Variants in LRTM1 observed in about 807,000 individuals in gnomAD.
The protein encoded by LRTM1 is leucine rich repeat transmembrane protein 1.
In LRTM1, 38 loss-of-function variants were observed where a neutral mutation model predicts 32.4. The observed-to-expected ratio is 1.17, with a 90% CI of 0.91 to 1.54. The LOEUF (loss-of-function observed/expected upper bound fraction) is 1.54, where lower values mean the gene tolerates loss of function less well. LRTM1 is among the 40% of genes most tolerant of loss of function. LRTM1 has a pLI of 0.00. For synonymous variants in LRTM1, 186 were observed against 169.9 expected, an observed-to-expected ratio of 1.09 and a Z score of -0.74; for missense variants, 466 against 415.4, an observed-to-expected ratio of 1.12 and a Z score of -1.06.
Position 54,918,396 on chromosome 3 carries a change from T to A in LRTM1, c.*63A>T. The A allele has an allele frequency of 3.4e-6, 3 of 890,698 alleles. No homozygotes were observed. Among genetic ancestry groups the A allele is most frequent in the Admixed American group, 2.4e-5 (1 of 42,504 alleles). The allele number at this position is 890,698 out of a possible 1,614,324, so 55.2% of individuals were successfully genotyped here. A position where few individuals can be genotyped will look rare whatever the true frequency, so the allele number is the denominator to read the frequency against. On this transcript the variant is annotated 3_prime_UTR_variant, in exon 3 of 3. Transcript: ENST00000273286. ...CAAAATCAGACTAACAGGAAACACA[T>A]CAGCCCTACTCAGACACTATCTTCT...
intron 1 of LRTM1, among the ~76,000 whole-genome samples, chr3:54,947,630 A>G (rs1328161859): frequency 6.6e-6 from 1 of 152,036 alleles, no homozygotes; most frequent in Non-Finnish European, 1.5e-5. Flanking sequence ...GATAGTGGAG[A>G]CTTAGTAGCA....
rs757969374 is a variant in LRTM1 at position 54,925,101 on chromosome 3, A to C, written c.122T>G (p.Leu41Arg). Residue 41 changes from leucine to arginine, a missense_variant, in exon 2 of 3, where the codon CTG becomes CGG. Coordinates refer to ENST00000273286, the MANE Select transcript of LRTM1 (RefSeq NM_020678.4). The stretch of plus-strand genomic sequence containing the variant: ...AGGTAAATGGGAAGGGATTTCGGCC[A>C]GACCCTGCTGGCTGCAGTCTACAAA... Reference protein sequence around the residue: ...TNFVDCSQQGLAEIPSHLPPQ... With the variant: ...TNFVDCSQQGRAEIPSHLPPQ... The C allele has an allele frequency of 1.2e-6, 2 of 1,614,138 alleles. No individual in the cohort carries two copies. The highest frequency in any genetic ancestry group is 2.2e-5 in the South Asian group (2 of 91,076).
At chr3:54,945,190 C>G (rs928740035) in intron 1 of LRTM1, among the ~76,000 whole-genome samples, 1 of 152,212 alleles carries the variant, frequency 6.6e-6, no homozygotes, top group Non-Finnish European at 1.5e-5. Flanking sequence ...CCTCCCTCAT[C>G]TGAACATTAG....
intron 1 of LRTM1, among the ~76,000 whole-genome samples, chr3:54,964,618 C>G (rs1223066314): frequency 3.9e-5 from 6 of 152,060 alleles, no homozygotes; most frequent in African/African-American, 1.4e-4. Flanking sequence ...GTGGGACTCA[C>G]TGAAGTAGTC....
rs1559633062 is a variant in LRTM1, at chr3:54,927,127, T to TTGC, written c.7+777_7+778insGCA. On this transcript the variant is annotated intron_variant, in intron 1 of 2. Coordinates refer to ENST00000273286, the MANE Select transcript of LRTM1 (RefSeq NM_020678.4). ...GAAAGGGGCTTTGTTTGATTGATTG[T>TTGC]TTGCTTGCTTGCTTGTTTTGGGCCT... is the stretch of plus-strand genomic sequence containing the variant. 2.2e-3 allele frequency among the ~76,000 whole-genome samples: 341 copies of TTGC among 152,052 alleles called. 1 individual carries two copies. Among genetic ancestry groups the TTGC allele is most frequent in the African/African-American group, 7.7e-3 (320 of 41,528 alleles).
chr3:54,918,415 A>G lies in LRTM1; in HGVS notation c.*44T>C, dbSNP rs202236028. ...AACACATCAGCCCTACTCAGACACTATCTTCTGGCCTGCAATGACCAATCC... is the reference window on the plus strand; with the variant it reads ...AACACATCAGCCCTACTCAGACACTGTCTTCTGGCCTGCAATGACCAATCC... On this transcript the variant is annotated 3_prime_UTR_variant, in exon 3 of 3. Transcript: ENST00000273286. 2.6e-6 allele frequency: 4 copies of G among 1,560,564 alleles called. No individual in the cohort carries two copies. The highest frequency in any genetic ancestry group is 2.3e-5 in the East Asian group (1 of 43,618).
intron 1 of LRTM1, among the ~76,000 whole-genome samples, chr3:54,955,359 G>A (rs559003149): frequency 1.3e-5 from 2 of 152,086 alleles, no homozygotes; most frequent in Admixed American, 1.3e-4. Context: ...GTCTGGGCTG[G>A]TGATGACTCC....
In LRTM1 at chr3:54,948,253, C is replaced by T. The variant is rs138639874; in HGVS notation, c.-222+18675G>A. 2.8e-4 allele frequency among the ~76,000 whole-genome samples: 43 copies of T among 152,304 alleles called. No homozygotes were observed. In the East Asian group the frequency reaches 7.5e-3, roughly 27 times the overall value. On this transcript the variant is annotated intron_variant, in intron 1 of 2. Coordinates refer to the LRTM1 transcript ENST00000493075. Reference sequence around the variant, plus strand: ...AGTATGTGTGATGTGAGCCCAAGGTCCATTCCAGGTGACCTCTTGAGAGCC... The same window carrying T: ...AGTATGTGTGATGTGAGCCCAAGGTTCATTCCAGGTGACCTCTTGAGAGCC...
At chr3:54,919,122 C>A (rs893628503) in intron 2 of LRTM1, among the ~76,000 whole-genome samples, 1 of 151,976 alleles carries the variant, frequency 6.6e-6, no homozygotes, top group African/African-American at 2.4e-5. Flanking sequence ...ACCAAGAATT[C>A]ATTAGAAGCC....
intron 2 of LRTM1, among the ~76,000 whole-genome samples, chr3:54,924,145 T>C (rs973374116): frequency 2.6e-5 from 4 of 152,184 alleles, no homozygotes; most frequent in East Asian, 1.9e-4. Context: ...TTCAGTGACA[T>C]TGGTGTTTGC....
At chr3:54,933,481 C>T (rs1391067703) in intron 1 of LRTM1, among the ~76,000 whole-genome samples, 6 of 152,202 alleles carry the variant, frequency 3.9e-5, no homozygotes, top group Non-Finnish European at 2.9e-5. Flanking sequence ...CACTTCTGCT[C>T]ACATTCTATT....
At chr3:54,942,049 G>A (rs1434300530) in intron 1 of LRTM1, among the ~76,000 whole-genome samples, 1 of 152,180 alleles carries the variant, frequency 6.6e-6, no homozygotes, top group Non-Finnish European at 1.5e-5. Context: ...TTGTAAAAAT[G>A]CGTCCTCAGT....
At chr3:54,943,532 T>G (rs1396805363) in intron 1 of LRTM1, among the ~76,000 whole-genome samples, 1 of 152,226 alleles carries the variant, frequency 6.6e-6, no homozygotes, top group Admixed American at 6.5e-5. Flanking sequence ...TCTATGTACA[T>G]TCTCTATTAT....
Position 54,918,607 on chromosome 3 carries a change from CCA to C in LRTM1, c.888_889del (p.Cys296TrpfsTer34). 1 of 1,614,126 alleles carries C rather than the reference CCA, an allele frequency of 6.2e-7. No homozygotes were observed. Reference sequence around the variant, plus strand: ...TGCCAACATCATGAGACACACAATCCCACACACAACGCCAGTGATGATGACAG... The same window carrying C: ...TGCCAACATCATGAGACACACAATCCCACACAACGCCAGTGATGATGACAG... On this transcript the variant is annotated frameshift_variant, in exon 3 of 3. Transcript: ENST00000273286. LOFTEE classifies it high-confidence loss of function.
chr3:54,931,547 C>T (rs1575386293), upstream of LRTM1, among the ~76,000 whole-genome samples: 2 of 152,288 alleles, frequency 1.3e-5, no homozygotes, highest in Admixed American at 6.5e-5. Flanking sequence ...GAATGCAGCT[C>T]AGGCCAGAGC....
At chr3:54,950,060 G>T (rs561226834) in intron 1 of LRTM1, among the ~76,000 whole-genome samples, 1 of 152,170 alleles carries the variant, frequency 6.6e-6, no homozygotes, top group Admixed American at 6.5e-5. Flanking sequence ...GCATTTCAGG[G>T]CCATGCTAAG....
chr3:54,962,707 G>T (rs371359111), intron 1 of LRTM1, among the ~76,000 whole-genome samples: 2 of 152,178 alleles, frequency 1.3e-5, no homozygotes, highest in Non-Finnish European at 2.9e-5. Context: ...GGAATTCACT[G>T]ATGGTGGCAG....
intron 1 of LRTM1, among the ~76,000 whole-genome samples, chr3:54,965,027 T>C (rs944714056): frequency 3.3e-4 from 50 of 152,250 alleles, no homozygotes; most frequent in African/African-American, 1.1e-3. Flanking sequence ...CTAAAGACCT[T>C]CAATGGCACC....
chr3:54,942,313 C>T (rs1399606157), intron 1 of LRTM1, among the ~76,000 whole-genome samples: 2 of 152,178 alleles, frequency 1.3e-5, no homozygotes, highest in African/African-American at 4.8e-5. Context: ...CAGACTCTGG[C>T]CCAAGAAGTA....
Sources: gnomAD v4.1 joint callset for allele counts (sites outside exome capture counted in the v4.1 genomes callset) on GRCh38, gnomAD v4.1.1 for gene constraint, MANE v1.5 for transcripts, NCBI Gene and HGNC (gene_info 2026-07-23, HGNC 2026-07-21) for gene names.